Variants in TASP1 observed in about 807,000 individuals in gnomAD.
TASP1 encodes threonine aspartase 1.
TASP1 carries 16 observed loss-of-function variants against 56.6 expected under a neutral mutation model. That is an observed-to-expected ratio of 0.28 (90% CI 0.19 to 0.43). TASP1 has a LOEUF of 0.43. Ranked by LOEUF, TASP1 falls within the 20% of genes least tolerant of loss-of-function variation. The pLI is 1.00. For missense variants in TASP1, 393 were observed against 511.6 expected (o/e 0.77, Z 2.24); for synonymous variants, 179 against 184.2 (o/e 0.97, Z 0.23).
the TASP1 span, among the ~76,000 whole-genome samples, chr20:13,259,112 G>A: frequency 9.2e-5 from 14 of 152,014 alleles, no homozygotes; most frequent in Admixed American, 3.3e-4. Flanking sequence ...GTGAAACCCC[G>A]TCTCTACTAA....
At chr20:13,341,008 C>G in the TASP1 span, among the ~76,000 whole-genome samples, 1 of 152,152 alleles carries the variant, frequency 6.6e-6, no homozygotes, top group African/African-American at 2.4e-5. Flanking sequence ...ATATTATGTG[C>G]TGAGTCTTCT....
At chr20:13,201,962 C>A in the TASP1 span, among the ~76,000 whole-genome samples, 2 of 152,158 alleles carry the variant, frequency 1.3e-5, no homozygotes, top group South Asian at 4.1e-4. Flanking sequence ...ACCATGCTGG[C>A]CAGGCTGGTC....
the TASP1 span, among the ~76,000 whole-genome samples, chr20:13,354,377 AG>A: frequency 6.6e-6 from 1 of 152,210 alleles, no homozygotes; most frequent in African/African-American, 2.4e-5. Flanking sequence ...GACTCATTGA[AG>A]TAAAGAGAAG....
chr20:13,159,446 C>T, the TASP1 span, among the ~76,000 whole-genome samples: 3,229 of 152,180 alleles, frequency 0.021, 47 homozygotes, highest in Non-Finnish European at 0.033. Context: ...TAATCTTTGG[C>T]GCTGCAGTGG....
At chr20:13,213,409 G>A in the TASP1 span, among the ~76,000 whole-genome samples, 12 of 152,010 alleles carry the variant, frequency 7.9e-5, no homozygotes, top group Admixed American at 6.6e-4. Context: ...CCAAAACAAA[G>A]TGAACAAAAA....
At position 13,390,291 on chromosome 20, in the gene TASP1, T is replaced by C; in HGVS notation, c.*69A>G. ...AACAAGAAAGATAAAACAACCAACT[T>C]CAGTTAAAAACCCCCAAAAGCTCAG... is the stretch of plus-strand genomic sequence containing the variant. On this transcript the variant is annotated 3_prime_UTR_variant, in exon 14 of 14. Coordinates refer to ENST00000337743, the MANE Select transcript of TASP1 (RefSeq NM_017714.3). 1 of 1,395,940 alleles carries C rather than the reference T, an allele frequency of 7.2e-7. No homozygotes were observed. Among genetic ancestry groups the C allele is most frequent in the East Asian group, 2.4e-5 (1 of 41,936 alleles). The allele number at this position is 1,395,940 out of a possible 1,614,324, so 86.5% of individuals were successfully genotyped here.
At chr20:13,616,287 G>A (rs1279856979) in intron 4 of TASP1, among the ~76,000 whole-genome samples, 1 of 152,052 alleles carries the variant, frequency 6.6e-6, no homozygotes, top group African/African-American at 2.4e-5. Flanking sequence ...ATGGCTTTAG[G>A]TAGCTCAAAA....
chr20:13,276,070 T>C, the TASP1 span, among the ~76,000 whole-genome samples: 1 of 152,256 alleles, frequency 6.6e-6, no homozygotes, highest in Non-Finnish European at 1.5e-5. Context: ...CCATTTTGTG[T>C]TCTTTCCATG....
At chr20:13,325,560 G>T in the TASP1 span, among the ~76,000 whole-genome samples, 853 of 152,282 alleles carry the variant, frequency 5.6e-3, 1 homozygote, top group Non-Finnish European at 7.1e-3. Context: ...CAGTTACCTA[G>T]TTGTCCCCAG....
the TASP1 span, chr20:13,221,912 C>A: frequency 1.3e-5 from 18 of 1,347,468 alleles, no homozygotes; most frequent in South Asian, 3.8e-5. Context: ...AGCCCAGCTG[C>A]AGGTGAGTGC....
At chr20:13,169,269 C>T in the TASP1 span, among the ~76,000 whole-genome samples, 1 of 152,048 alleles carries the variant, frequency 6.6e-6, no homozygotes, top group Admixed American at 6.6e-5. Context: ...CATTCAGTGA[C>T]ATCAGATTGG....
At chr20:13,567,519 A>G (rs1175730768) in intron 7 of TASP1, among the ~76,000 whole-genome samples, 1 of 152,178 alleles carries the variant, frequency 6.6e-6, no homozygotes, top group Non-Finnish European at 1.5e-5. Flanking sequence ...TCTGAAGCAT[A>G]TAAATGTCCA....
At chr20:13,625,696 C>T (rs141262638) in intron 2 of TASP1, among the ~76,000 whole-genome samples, 112 of 152,320 alleles carry the variant, frequency 7.4e-4, no homozygotes, top group African/African-American at 2.5e-3. Context: ...AAAGCTGAAT[C>T]GCTTCTGAAT....
the TASP1 span, among the ~76,000 whole-genome samples, chr20:13,193,521 T>C: frequency 7.2e-5 from 11 of 152,214 alleles, no homozygotes; most frequent in Non-Finnish European, 1.5e-4. Flanking sequence ...TAGCTCTAGA[T>C]ATTCAAAGAG....
intron 7 of TASP1, among the ~76,000 whole-genome samples, chr20:13,568,513 AT>A (rs2046611543): frequency 6.6e-6 from 1 of 152,026 alleles, no homozygotes; most frequent in African/African-American, 2.4e-5. Flanking sequence ...TTATAACTTC[AT>A]TTTTCACTCT....
the TASP1 span, among the ~76,000 whole-genome samples, chr20:13,242,328 C>T: frequency 2.6e-5 from 4 of 152,150 alleles, no homozygotes; most frequent in Non-Finnish European, 4.4e-5. Flanking sequence ...GCAGTTGGAA[C>T]ATCCAGCATC....
chr20:13,510,680 C>T (rs1317545043), intron 10 of TASP1, among the ~76,000 whole-genome samples: 1 of 151,976 alleles, frequency 6.6e-6, no homozygotes, highest in African/African-American at 2.4e-5. Context: ...ATTATTCTAC[C>T]TTCATTGAGG....
At chr20:13,585,723 A>C (rs1032661471) in intron 5 of TASP1, among the ~76,000 whole-genome samples, 1 of 152,240 alleles carries the variant, frequency 6.6e-6, no homozygotes. Context: ...AAAATTGGCA[A>C]GGATGCAGAG....
chr20:13,630,690 A>G (rs1433030227), intron 1 of TASP1, among the ~76,000 whole-genome samples: 2 of 57,732 alleles, frequency 3.5e-5, no homozygotes, highest in East Asian at 1.7e-3. Context: ...TCTGTCTCAA[A>G]AAAAAAAAAA....
Sources: gnomAD v4.1 joint callset for allele counts (sites outside exome capture counted in the v4.1 genomes callset) on GRCh38, gnomAD v4.1.1 for gene constraint, MANE v1.5 for transcripts, NCBI Gene and HGNC (gene_info 2026-07-23, HGNC 2026-07-21) for gene names.